The following NFIA variants were observed in gnomAD, a reference collection of about 807,000 sequenced individuals.
NFIA encodes the protein nuclear factor I A.
NFIA carries 8 observed loss-of-function variants against 62.8 expected under a neutral mutation model. That is an observed-to-expected ratio of 0.13 (90% CI 0.07 to 0.23). The LOEUF (loss-of-function observed/expected upper bound fraction) is 0.23, where lower values mean the gene tolerates loss of function less well. Among genes scored for constraint, NFIA ranks in the 10% least tolerant of loss-of-function variants. NFIA has a pLI of 1.00. For synonymous variants in NFIA, 235 were observed against 238.1 expected (o/e 0.99, Z 0.12); for missense variants, 410 against 642.1 (o/e 0.64, Z 3.91).
intron 2 of NFIA, among the ~76,000 whole-genome samples, chr1:61,251,823 TATAA>T (rs1656060517): frequency 6.6e-6 from 1 of 152,128 alleles, no homozygotes; most frequent in South Asian, 2.1e-4. Flanking sequence ...ATAACAAAAA[TATAA>T]ATAGAGTTCA....
upstream of NFIA, among the ~76,000 whole-genome samples, chr1:61,080,114 G>C (rs889963545): frequency 2.0e-5 from 3 of 152,144 alleles, no homozygotes; most frequent in African/African-American, 7.2e-5. Flanking sequence ...TCCAGCCCTT[G>C]CCTAGAGGGC....
At chr1:61,367,505 G>C (rs953124186) in intron 6 of NFIA, among the ~76,000 whole-genome samples, 1 of 152,178 alleles carries the variant, frequency 6.6e-6, no homozygotes, top group Non-Finnish European at 1.5e-5. Flanking sequence ...CCTCTTCTAT[G>C]ATCTCATATT....
chr1:61,424,334 A>C (rs1261389196), intron 9 of NFIA, among the ~76,000 whole-genome samples: 1 of 151,866 alleles, frequency 6.6e-6, no homozygotes, highest in Non-Finnish European at 1.5e-5. Flanking sequence ...TCTTCACAAA[A>C]AATGACACCC....
intron 9 of NFIA, among the ~76,000 whole-genome samples, chr1:61,412,291 C>T (rs546629732): frequency 1.1e-4 from 17 of 152,086 alleles, no homozygotes; most frequent in African/African-American, 4.1e-4. Flanking sequence ...AGTAAATTAG[C>T]GAGTTAAGGA....
intron 7 of NFIA, among the ~76,000 whole-genome samples, chr1:61,388,003 G>A (rs1664789798): frequency 6.6e-6 from 1 of 152,130 alleles, no homozygotes; most frequent in East Asian, 1.9e-4. Flanking sequence ...TATTTATAGT[G>A]TAAAGGTAGA....
intron 2 of NFIA, among the ~76,000 whole-genome samples, chr1:61,172,656 G>A (rs1304186617): frequency 6.6e-6 from 1 of 152,206 alleles, no homozygotes; most frequent in African/African-American, 2.4e-5. Flanking sequence ...TTTATAGTCA[G>A]AGGTCTGTAT....
At chr1:61,428,252 A>G (rs1377644997) in intron 10 of NFIA, among the ~76,000 whole-genome samples, 1 of 152,180 alleles carries the variant, frequency 6.6e-6, no homozygotes, top group East Asian at 1.9e-4. Flanking sequence ...TCCTTCACAA[A>G]TGCCTTACTT....
At chr1:61,363,897 T>G (rs1663441306) in intron 6 of NFIA, among the ~76,000 whole-genome samples, 1 of 151,650 alleles carries the variant, frequency 6.6e-6, no homozygotes, top group Non-Finnish European at 1.5e-5. Context: ...CCTCACTCCA[T>G]CATCCTATAA....
At chr1:61,369,803 C>T (rs140504804) in intron 6 of NFIA, among the ~76,000 whole-genome samples, 23 of 152,084 alleles carry the variant, frequency 1.5e-4, no homozygotes, top group African/African-American at 5.1e-4. Context: ...TATATGTGTG[C>T]ATACATATAC....
At chr1:61,399,746 A>T (rs748720813) in intron 7 of NFIA, among the ~76,000 whole-genome samples, 3 of 152,154 alleles carry the variant, frequency 2.0e-5, no homozygotes, top group Admixed American at 6.5e-5. Flanking sequence ...CCCTGATACC[A>T]TCCTATTTCA....
chr1:61,309,681 A>G (rs989558132), intron 3 of NFIA, among the ~76,000 whole-genome samples: 6 of 152,150 alleles, frequency 3.9e-5, no homozygotes, highest in Middle Eastern at 3.2e-3. Context: ...ACGAGGTCAG[A>G]AGTTTGAGAG....
intron 2 of NFIA, among the ~76,000 whole-genome samples, chr1:61,126,736 G>A (rs1323479247): frequency 3.4e-5 from 5 of 147,022 alleles, no homozygotes; most frequent in African/African-American, 1.2e-4. Flanking sequence ...GCCTATATGT[G>A]AATTTTTCTG....
chr1:61,403,423 T>A (rs897682387), intron 7 of NFIA, among the ~76,000 whole-genome samples: 8 of 152,216 alleles, frequency 5.3e-5, no homozygotes, highest in African/African-American at 1.9e-4. Context: ...TTTTATCAGT[T>A]TTTATGGGCA....
rs149784734 is a variant in NFIA at position 61,338,817 on chromosome 1, G to A, written c.700+6231G>A. 6.0e-4 allele frequency among the ~76,000 whole-genome samples: 91 copies of A among 152,252 alleles called. 2 individuals are homozygous for A. The East Asian group carries it at 0.014, about 23-fold the overall frequency. ...AGTACTTTAGATCTTAATTAAAGTG[G>A]GATAGATTTAAAACTTTCTTTCTAA... On this transcript the variant is annotated intron_variant, in intron 4 of 10. Transcript: ENST00000403491.
At chr1:61,256,359 C>T (rs564330696) in intron 2 of NFIA, among the ~76,000 whole-genome samples, 1 of 149,906 alleles carries the variant, frequency 6.7e-6, no homozygotes, top group African/African-American at 2.5e-5. Flanking sequence ...TCGCTTGAAC[C>T]GAGGAGACAG....
chr1:61,130,109 C>T (rs1647048509), intron 2 of NFIA, among the ~76,000 whole-genome samples: 1 of 152,156 alleles, frequency 6.6e-6, no homozygotes, highest in African/African-American at 2.4e-5. Flanking sequence ...TACCAGCCTA[C>T]ACTCTAAGCT....
At chr1:61,429,099 T>G (rs1289939299) in intron 10 of NFIA, among the ~76,000 whole-genome samples, 1 of 152,066 alleles carries the variant, frequency 6.6e-6, no homozygotes, top group Non-Finnish European at 1.5e-5. Context: ...ACTGATGGGG[T>G]CTCTGTTTTT....
chr1:61,231,883 A>C (rs1006354636), intron 2 of NFIA, among the ~76,000 whole-genome samples: 6 of 151,460 alleles, frequency 4.0e-5, no homozygotes, highest in African/African-American at 1.5e-4. Context: ...AAAAAAAAAC[A>C]AAACAAGAAA....
intron 3 of NFIA, among the ~76,000 whole-genome samples, chr1:61,289,035 G>T (rs1426396412): frequency 6.6e-6 from 1 of 152,222 alleles, no homozygotes; most frequent in Non-Finnish European, 1.5e-5. Flanking sequence ...CTCTCAAAGT[G>T]CTGGGGTCAC....
Sources: allele counts gnomAD v4.1 joint callset (sites outside exome capture counted in the v4.1 genomes callset), GRCh38; gene constraint gnomAD v4.1.1; transcripts MANE v1.5; gene names NCBI Gene and HGNC (gene_info 2026-07-23, HGNC 2026-07-21).